Variants in WDR64 observed in about 807,000 individuals in gnomAD.
WDR64 encodes WD repeat-containing protein 64.
Under a neutral mutation model 139.3 loss-of-function variants are expected in WDR64, and 112 were observed. The observed-to-expected ratio is 0.80, with a 90% CI of 0.69 to 0.94. The LOEUF (loss-of-function observed/expected upper bound fraction) is 0.94. WDR64 is among the 40% of genes least tolerant of loss of function. The pLI is 0.00. For synonymous variants in WDR64, 444 were observed against 437.7 expected (o/e 1.01, Z -0.18); for missense variants, 1,206 against 1,293.1 (o/e 0.93, Z 1.03).
At chr1:241,750,959 A>G (rs1669955795) in intron 14 of WDR64, among the ~76,000 whole-genome samples, 1 of 152,166 alleles carries the variant, frequency 6.6e-6, no homozygotes, top group Non-Finnish European at 1.5e-5. Flanking sequence ...ATAATGTTGA[A>G]AGTATCCTTA....
intron 21 of WDR64, among the ~76,000 whole-genome samples, chr1:241,775,887 C>T (rs963834125): frequency 2.6e-5 from 4 of 151,502 alleles, no homozygotes; most frequent in African/African-American, 9.7e-5. Flanking sequence ...AAAAGCTTAG[C>T]CCCCTTTCAC....
At chr1:241,732,273 CT>C (rs1558496258) in intron 10 of WDR64, among the ~76,000 whole-genome samples, 1 of 152,170 alleles carries the variant, frequency 6.6e-6, no homozygotes, top group Non-Finnish European at 1.5e-5. Context: ...AATGCTCAAA[CT>C]TCTATTCAAG....
At chr1:241,717,378 A>G (rs1668442831) in intron 9 of WDR64, among the ~76,000 whole-genome samples, 1 of 152,038 alleles carries the variant, frequency 6.6e-6, no homozygotes, top group Non-Finnish European at 1.5e-5. Flanking sequence ...CAGAGCTGAG[A>G]CTGAATCAGT....
At chr1:241,734,306 A>G (rs113398681) in intron 10 of WDR64, among the ~76,000 whole-genome samples, 12 of 152,122 alleles carry the variant, frequency 7.9e-5, no homozygotes, top group African/African-American at 2.4e-4. Flanking sequence ...TGCCCCGACC[A>G]CCTTGGGTAC....
chr1:241,717,450 G>A (rs1668446049), intron 9 of WDR64, among the ~76,000 whole-genome samples: 1 of 152,032 alleles, frequency 6.6e-6, no homozygotes, highest in African/African-American at 2.4e-5. Context: ...TTTACTAGAT[G>A]CTATCTCTCT....
chr1:241,739,934 G>A (rs148766712), intron 11 of WDR64, among the ~76,000 whole-genome samples: 5 of 152,246 alleles, frequency 3.3e-5, no homozygotes, highest in African/African-American at 9.6e-5. Context: ...GTAGCACCAC[G>A]TTCTAGAAAT....
At chr1:241,695,471 C>G (rs1200921642) in intron 8 of WDR64, among the ~76,000 whole-genome samples, 1 of 152,070 alleles carries the variant, frequency 6.6e-6, no homozygotes, top group Non-Finnish European at 1.5e-5. Flanking sequence ...TACACATTTA[C>G]CAGCACATCA....
chr1:241,796,239 C>T lies in WDR64; in HGVS notation c.3079-18C>T, dbSNP rs2148333530. On this transcript the variant is annotated intron_variant, in intron 26 of 27. Coordinates refer to ENST00000437684, the MANE Select transcript of WDR64 (RefSeq NM_001367482.1). ...AATCACTTTGAGTGTGTCTCACTGACTAATTTATGGCTTCCAGATATCAAG... is the reference window on the plus strand; with the variant it reads ...AATCACTTTGAGTGTGTCTCACTGATTAATTTATGGCTTCCAGATATCAAG... 1.3e-6 allele frequency: 2 copies of T among 1,586,848 alleles called. No individual in the cohort carries two copies. The highest frequency in any genetic ancestry group is 4.5e-5 in the East Asian group (2 of 44,614).
intron 6 of WDR64, among the ~76,000 whole-genome samples, chr1:241,682,676 T>A (rs1666854394): frequency 6.6e-6 from 1 of 152,180 alleles, no homozygotes; most frequent in African/African-American, 2.4e-5. Context: ...GATTTCACTC[T>A]CCTGCTAGAC....
chr1:241,737,408 AG>A (rs1380071772), intron 10 of WDR64, among the ~76,000 whole-genome samples: 1 of 152,252 alleles, frequency 6.6e-6, no homozygotes, highest in Non-Finnish European at 1.5e-5. Flanking sequence ...ATTAGAAGTT[AG>A]TAGCTCTCTT....
At position 241,703,527 on chromosome 1, in the gene WDR64, CA is replaced by C. The variant is rs1273618653; in HGVS notation, c.975-8274del. 1.3e-5 allele frequency among the ~76,000 whole-genome samples: 2 copies of C among 149,154 alleles called. No individual in the cohort carries two copies. The highest frequency in any genetic ancestry group is 3.0e-5 in the Non-Finnish European group (2 of 67,484). On this transcript the variant is annotated intron_variant, in intron 8 of 27. Transcript: ENST00000437684. This position sits in a 1 kb window ranked among gnomAD's most constrained non-coding sequence, Gnocchi z 5.9. ...TTTCTCTTTAAAATTGCTATCATTTCAGGGGGATCAGGGAAAAAGTCAGAAT... is the reference window on the plus strand; with the variant it reads ...TTTCTCTTTAAAATTGCTATCATTTCGGGGGATCAGGGAAAAAGTCAGAAT...
intron 15 of WDR64, among the ~76,000 whole-genome samples, chr1:241,761,542 A>G (rs1657902214): frequency 6.6e-6 from 1 of 151,468 alleles, no homozygotes. Context: ...AGTTTGTTGT[A>G]TATTAGATAC....
chr1:241,783,791 G>A (rs868451742), intron 23 of WDR64, among the ~76,000 whole-genome samples: 3 of 152,156 alleles, frequency 2.0e-5, no homozygotes, highest in African/African-American at 7.2e-5. Context: ...TTATGTCATT[G>A]ACTCTGTGAT....
intron 15 of WDR64, among the ~76,000 whole-genome samples, chr1:241,759,834 A>C (rs1670357160): frequency 6.6e-6 from 1 of 152,152 alleles, no homozygotes; most frequent in South Asian, 2.1e-4. Flanking sequence ...AGATGCTTTC[A>C]TCTTGCAAAA....
intron 2 of WDR64, among the ~76,000 whole-genome samples, chr1:241,661,053 C>A (rs1384207065): frequency 6.6e-6 from 1 of 152,036 alleles, no homozygotes; most frequent in African/African-American, 2.4e-5. Flanking sequence ...CAATTGACTA[C>A]CTGTTATATT....
rs77229246 is a variant in WDR64 at position 241,660,628 on chromosome 1, A to C, written c.244A>C (p.Asn82His). ...GAAACGCTTTTACAGGAAACTGTGC[A>C]ACAACACGGATGCATCTGCAGACTG... is the stretch of plus-strand genomic sequence containing the variant. ...DVKRFYRKLC[N>H]NTDASADWCE... Residue 82 changes from asparagine (N) to histidine (H), a missense_variant, in exon 2 of 28, where the codon AAC becomes CAC. By Grantham distance (68) the Asn-to-His change is moderately conservative (BLOSUM62 1). Transcript: ENST00000437684. 6.4e-7 allele frequency: 1 copy of C among 1,551,612 alleles called. No individual in the cohort carries two copies. The highest frequency in any genetic ancestry group is 2.0e-5 in the Admixed American group (1 of 51,006).
chr1:241,720,571 T>A (rs552949985), intron 9 of WDR64, among the ~76,000 whole-genome samples: 3 of 152,336 alleles, frequency 2.0e-5, no homozygotes, highest in South Asian at 2.1e-4. Flanking sequence ...TGAGTTTTTT[T>A]AATATGTTTT....
intron 15 of WDR64, among the ~76,000 whole-genome samples, chr1:241,763,954 G>A (rs1406406157): frequency 1.3e-5 from 2 of 152,164 alleles, no homozygotes; most frequent in Admixed American, 1.3e-4. Context: ...TATAGCTAAA[G>A]AACTATCAGG....
At chr1:241,700,224 T>C (rs1356763359) in intron 8 of WDR64, among the ~76,000 whole-genome samples, 2 of 150,136 alleles carry the variant, frequency 1.3e-5, no homozygotes, top group Admixed American at 6.6e-5. Context: ...CAAAAACAGA[T>C]TCCTCCCTCT....
Sources: gnomAD v4.1 joint callset for allele counts (sites outside exome capture counted in the v4.1 genomes callset) on GRCh38, gnomAD v4.1.1 for gene constraint, Gnocchi (gnomAD v3.1) non-coding constraint, MANE v1.5 for transcripts, NCBI Gene and HGNC (gene_info 2026-07-23, HGNC 2026-07-21) for gene names.